CSNK1G1: variants seen among roughly 807,000 people sequenced by gnomAD.
CSNK1G1 encodes casein kinase I isoform gamma-1.
A neutral mutation model predicts 59.6 loss-of-function variants in CSNK1G1; 22 were observed. The observed-to-expected ratio is 0.37, with a 90% CI of 0.26 to 0.53. CSNK1G1 has a LOEUF of 0.53. CSNK1G1 is among the 20% of genes least tolerant of loss of function. The pLI is 0.89. For missense variants in CSNK1G1, 384 were observed against 519.5 expected, an observed-to-expected ratio of 0.74 and a Z score of 2.54; for synonymous variants, 179 against 177.1, an observed-to-expected ratio of 1.01 and a Z score of -0.08.
chr15:64,225,546 T>C (rs76832771), intron 4 of CSNK1G1, among the ~76,000 whole-genome samples: 7,720 of 152,226 alleles, frequency 0.051, 203 homozygotes, highest in South Asian at 0.079. Context: ...CTGCCTCTGA[T>C]TGGCCTAGGG....
intron 6 of CSNK1G1, among the ~76,000 whole-genome samples, chr15:64,213,134 T>C (rs889438033): frequency 5.9e-5 from 9 of 152,210 alleles, no homozygotes; most frequent in Admixed American, 3.3e-4. Flanking sequence ...CTCTAGAATG[T>C]TGATTTTCAA....
chr15:64,338,518 A>G (rs1485896759), intron 1 of CSNK1G1, among the ~76,000 whole-genome samples: 2 of 150,716 alleles, frequency 1.3e-5, no homozygotes, highest in Admixed American at 6.6e-5. Flanking sequence ...TGACCAACAC[A>G]GAGAAACTCC....
intron 11 of CSNK1G1, among the ~76,000 whole-genome samples, chr15:64,175,653 A>C (rs2081732811): frequency 6.6e-6 from 1 of 152,162 alleles, no homozygotes; most frequent in Non-Finnish European, 1.5e-5. Flanking sequence ...CTAAACTCTC[A>C]CATAGGAATA....
intron 11 of CSNK1G1, among the ~76,000 whole-genome samples, chr15:64,172,240 A>G (rs1299555261): frequency 6.6e-6 from 1 of 152,204 alleles, no homozygotes; most frequent in Non-Finnish European, 1.5e-5. Flanking sequence ...CAGGGCTGAA[A>G]TAGGCATTAC....
At chr15:64,281,219 C>T (rs1241050921) in intron 2 of CSNK1G1, among the ~76,000 whole-genome samples, 1 of 152,128 alleles carries the variant, frequency 6.6e-6, no homozygotes, top group Non-Finnish European at 1.5e-5. Flanking sequence ...TCCTTGAGGA[C>T]GTTATACTAA....
At position 64,200,414 on chromosome 15, in the gene CSNK1G1, C is replaced by T. The variant is rs1205728144; in HGVS notation, c.1107+2668G>A. 3.3e-5 allele frequency among the ~76,000 whole-genome samples: 5 copies of T among 152,080 alleles called. No homozygotes were observed. The highest frequency in any genetic ancestry group is 4.1e-4 in the South Asian group (2 of 4,820). On this transcript the variant is annotated intron_variant, in intron 10 of 11. Transcript: ENST00000303052. The surrounding 1 kb of genome is among the most constrained non-coding windows in gnomAD (Gnocchi z 4.3). ...AGGCTGGGGTGTAATGGTACCATCT[C>T]GTCTCACTGCAACCTCCACCTCCCA...
rs1491582609 is a variant in CSNK1G1, at chr15:64,277,758, TAG to T, written c.182-18519_182-18518del. ...ATTAATATTGATATATTTAATAATA[TAG>T]CAATATTGATATATTTAATAATATA... On this transcript the variant is annotated intron_variant, in intron 2 of 11. Coordinates refer to ENST00000303052, the MANE Select transcript of CSNK1G1 (RefSeq NM_022048.5). 3.3e-4 allele frequency among the ~76,000 whole-genome samples: 23 copies of T among 69,116 alleles called. 2 individuals carry two copies. The highest frequency in any genetic ancestry group is 1.0e-3 in the African/African-American group (19 of 18,458). The allele number at this position is 69,116 out of a possible 152,430, so 45.3% of individuals were successfully genotyped here. A position where few individuals can be genotyped will look rare whatever the true frequency, so the allele number is the denominator to read the frequency against.
chr15:64,187,667 T>A (rs2081916336), intron 10 of CSNK1G1, among the ~76,000 whole-genome samples: 1 of 152,216 alleles, frequency 6.6e-6, no homozygotes. Context: ...TGCACCTTTA[T>A]AAGAATTTAT....
chr15:64,195,186 A>G (rs767483930), intron 10 of CSNK1G1: 1 of 152,258 alleles, frequency 6.6e-6, no homozygotes, highest in Non-Finnish European at 1.5e-5. Context: ...TATGCTACAC[A>G]TACAAAAACA....
At chr15:64,238,545 G>GA (rs995945181) in intron 4 of CSNK1G1, among the ~76,000 whole-genome samples, 13 of 64,908 alleles carry the variant, frequency 2.0e-4, no homozygotes, top group East Asian at 1.3e-3. Flanking sequence ...ATATATATAT[G>GA]AAAAAAAACC....
intron 1 of CSNK1G1, among the ~76,000 whole-genome samples, chr15:64,337,213 G>A (rs1897433126): frequency 6.6e-6 from 1 of 152,124 alleles, no homozygotes; most frequent in Non-Finnish European, 1.5e-5. Flanking sequence ...GGGCAACAGA[G>A]CGAGACTCCG....
chr15:64,259,018 T>C (rs2140329629), intron 3 of CSNK1G1, 183 bp downstream of exon 3: 2 of 515,262 alleles, frequency 3.9e-6, no homozygotes, highest in East Asian at 3.2e-5. Context: ...TATATAGTGT[T>C]ATATAGTATA....
chr15:64,199,809 C>T lies in CSNK1G1; in HGVS notation c.1107+3273G>A, dbSNP rs11856205. On this transcript the variant is annotated intron_variant, in intron 10 of 11. Coordinates refer to ENST00000303052, the MANE Select transcript of CSNK1G1 (RefSeq NM_022048.5). ...TGGAGGTTGCAGTGACGCGAGATCG[C>T]GCCACTGCACACCACCCTGGGCGAC... 8.3e-3 allele frequency among the ~76,000 whole-genome samples: 1,259 copies of T among 151,368 alleles called. 17 individuals are homozygous for T. Among genetic ancestry groups the T allele is most frequent in the African/African-American group, 0.028 (1,175 of 41,274 alleles).
intron 1 of CSNK1G1, among the ~76,000 whole-genome samples, chr15:64,337,533 T>C (rs1897452975): frequency 6.6e-6 from 1 of 152,072 alleles, no homozygotes; most frequent in South Asian, 2.1e-4. Context: ...ATGGGTCTCA[T>C]TATGTTGCCT....
intron 4 of CSNK1G1, among the ~76,000 whole-genome samples, chr15:64,233,750 C>T (rs113116076): frequency 1.2e-3 from 182 of 152,212 alleles, no homozygotes; most frequent in Non-Finnish European, 2.1e-3. Context: ...CCTGATATTT[C>T]ACCCTTGGAA....
In CSNK1G1 at chr15:64,274,228, G is replaced by T. The variant is rs573627491; in HGVS notation, c.182-14987C>A. On this transcript the variant is annotated intron_variant, in intron 2 of 11. Transcript: ENST00000303052. ...GCCTCAAATGAATTTCTTTGCAAGG[G>T]CACAAATGCATCATTAAAATTTTAC... Among the ~76,000 whole-genome samples the T allele has an allele frequency of 1.6e-4, 25 of 152,244 alleles. 1 individual carries two copies. The South Asian group carries it at 5.0e-3, about 30-fold the overall frequency.
chr15:64,244,178 A>G (rs182748205), intron 4 of CSNK1G1, among the ~76,000 whole-genome samples: 1 of 152,214 alleles, frequency 6.6e-6, no homozygotes, highest in East Asian at 1.9e-4. Context: ...CAAAAAATAA[A>G]AATAAAATAA....
intron 2 of CSNK1G1, among the ~76,000 whole-genome samples, chr15:64,291,610 T>C (rs1028200373): frequency 6.6e-6 from 1 of 152,062 alleles, no homozygotes; most frequent in African/African-American, 2.4e-5. Context: ...AAAATAAAAT[T>C]ATGTTTCATC....
At chr15:64,347,584 T>TAAAAAAAAAAAAA (rs11456750) in intron 1 of CSNK1G1, among the ~76,000 whole-genome samples, 1 of 123,548 alleles carries the variant, frequency 8.1e-6, no homozygotes. Flanking sequence ...CACTCCGTCT[T>TAAAAAAAAAAAAA]AAAAAAAAAA....
Sources: allele counts gnomAD v4.1 joint callset (sites outside exome capture counted in the v4.1 genomes callset), GRCh38; gene constraint gnomAD v4.1.1; non-coding constraint Gnocchi (gnomAD v3.1); transcripts MANE v1.5; gene names NCBI Gene and HGNC (gene_info 2026-07-23, HGNC 2026-07-21).